The following MRPS31 variants were observed in gnomAD, a reference collection of about 807,000 sequenced individuals.
MRPS31 encodes mitochondrial ribosomal protein S31.
Under a neutral mutation model 43.1 loss-of-function variants are expected in MRPS31, and 32 were observed. The observed-to-expected ratio is 0.74, with a 90% confidence interval of 0.56 to 1.00. The LOEUF (loss-of-function observed/expected upper bound fraction) is 1.00, where lower values mean the gene tolerates loss of function less well. MRPS31 is among the 50% of genes least tolerant of loss of function. MRPS31 has a pLI of 0.00. For synonymous variants in MRPS31, 165 were observed against 161.6 expected, an observed-to-expected ratio of 1.02 and a Z score of -0.16; for missense variants, 437 against 466.7, an observed-to-expected ratio of 0.94 and a Z score of 0.59.
At chr13:40,746,933 C>T (rs1880254214) in intron 6 of MRPS31, among the ~76,000 whole-genome samples, 1 of 152,040 alleles carries the variant, frequency 6.6e-6, no homozygotes, top group Non-Finnish European at 1.5e-5. Flanking sequence ...TTATTATTCC[C>T]AACATTTTAG....
chr13:40,761,369 GTATT>G (rs1483323751), intron 2 of MRPS31, among the ~76,000 whole-genome samples: 6 of 152,052 alleles, frequency 3.9e-5, no homozygotes, highest in South Asian at 2.1e-4. Flanking sequence ...CAAAGTCATT[GTATT>G]TCTTTCATAA....
At chr13:40,769,893 G>C (rs1880959368) in intron 1 of MRPS31, among the ~76,000 whole-genome samples, 1 of 152,118 alleles carries the variant, frequency 6.6e-6, no homozygotes, top group Admixed American at 6.5e-5. Flanking sequence ...TCCACTGACA[G>C]CAGCTCATCA....
intron 2 of MRPS31, among the ~76,000 whole-genome samples, chr13:40,760,273 G>GA (rs1450076374): frequency 6.6e-6 from 1 of 151,636 alleles, no homozygotes; most frequent in Non-Finnish European, 1.5e-5. Flanking sequence ...AGGTAAAAAT[G>GA]AAAAATGTAG....
At chr13:40,734,105 G>A (rs1415835660) in intron 6 of MRPS31, among the ~76,000 whole-genome samples, 2 of 152,080 alleles carry the variant, frequency 1.3e-5, no homozygotes, top group African/African-American at 4.8e-5. Flanking sequence ...CTACAGCCTG[G>A]GTGACAAAGC....
intron 6 of MRPS31, among the ~76,000 whole-genome samples, chr13:40,737,000 A>G (rs1338031830): frequency 6.6e-6 from 1 of 151,576 alleles, no homozygotes; most frequent in African/African-American, 2.4e-5. Flanking sequence ...TTGGATAAAG[A>G]GTCAAGACCC....
chr13:40,751,949 GGTTCCT>G (rs541836662), intron 5 of MRPS31, among the ~76,000 whole-genome samples: 6 of 151,990 alleles, frequency 3.9e-5, no homozygotes, highest in African/African-American at 1.4e-4. Flanking sequence ...AAAGTAAGAT[GGTTCCT>G]TCAAGACTCT....
chr13:40,734,350 G>C (rs775995279), intron 6 of MRPS31, among the ~76,000 whole-genome samples: 1 of 152,150 alleles, frequency 6.6e-6, no homozygotes, highest in East Asian at 1.9e-4. Context: ...CAAAATGATA[G>C]GAAGACAGTT....
chr13:40,732,243 C>T (rs776628334), intron 6 of MRPS31, among the ~76,000 whole-genome samples: 4 of 152,202 alleles, frequency 2.6e-5, no homozygotes, highest in African/African-American at 4.8e-5. Context: ...TCAAATGAAG[C>T]CACCAGTTAA....
intron 3 of MRPS31, among the ~76,000 whole-genome samples, chr13:40,758,567 A>T (rs1487179116): frequency 6.6e-6 from 1 of 152,232 alleles, no homozygotes; most frequent in African/African-American, 2.4e-5. Context: ...AAGAGGAAAA[A>T]GAGAAGGCAA....
In MRPS31 at chr13:40,729,585, A is replaced by C. The variant is rs749794407; in HGVS notation, c.975T>G (p.Gly325=). 1.2e-6 allele frequency: 2 copies of C among 1,612,402 alleles called. No individual in the cohort carries two copies. Among genetic ancestry groups the C allele is most frequent in the South Asian group, 1.1e-5 (1 of 90,984 alleles). ...GAAATATATGTTCATGAAATTCTGA[A>C]CCATCATCATCAAAACCTAGGAAAT... is the stretch of plus-strand genomic sequence containing the variant. ...INNEAGFDDD[G]SEFHEHIFLE... is the part of the protein sequence containing the mutation. The change falls in exon 7 of 7, where the codon GGT becomes GGG. Residue 325 remains glycine (G), a synonymous_variant. Transcript: ENST00000323563.
chr13:40,770,000 C>T (rs1486326274), intron 1 of MRPS31, among the ~76,000 whole-genome samples: 3 of 152,198 alleles, frequency 2.0e-5, no homozygotes, highest in Non-Finnish European at 4.4e-5. Context: ...GGCCCCCTAA[C>T]ATAAACAGGT....
chr13:40,741,933 A>T (rs903267475), intron 6 of MRPS31, among the ~76,000 whole-genome samples: 3 of 142,648 alleles, frequency 2.1e-5, no homozygotes, highest in South Asian at 2.3e-4. Flanking sequence ...ACACACACAC[A>T]CTGCAGGACA....
At position 40,756,912 on chromosome 13, in the gene MRPS31, T is replaced by C. The variant is rs761364957; in HGVS notation, c.701A>G (p.Asn234Ser). 6.2e-7 allele frequency: 1 copy of C among 1,613,948 alleles called. No homozygotes were observed. Among genetic ancestry groups the C allele is most frequent in the Non-Finnish European group, 8.5e-7 (1 of 1,179,960 alleles). ...LRIQFDEGYD[N>S]YPGQEKTDDL... ...ATCCGTCTTCTCCTGGCCAGGATAA[T>C]TGTCATAGCCTTCATCAAACTGAAT... Residue 234 changes from asparagine (N) to serine (S), a missense_variant, in exon 4 of 7, where the codon AAT becomes AGT. Transcript: ENST00000323563.
intron 6 of MRPS31, among the ~76,000 whole-genome samples, chr13:40,742,968 A>C (rs1420458271): frequency 6.6e-6 from 1 of 152,146 alleles, no homozygotes; most frequent in Non-Finnish European, 1.5e-5. Context: ...AAGATCTAGG[A>C]AATACCATCC....
intron 2 of MRPS31, among the ~76,000 whole-genome samples, chr13:40,760,571 CAAGTT>C (rs1267969092): frequency 6.7e-6 from 1 of 150,110 alleles, no homozygotes; most frequent in Non-Finnish European, 1.5e-5. Context: ...TAAATTAGAG[CAAGTT>C]AATAGAAAAA....
Position 40,767,021 on chromosome 13 carries a change from GTTA to G in MRPS31, c.162_164del (p.Asn55del). 1 of 1,603,772 alleles carries G rather than the reference GTTA, an allele frequency of 6.2e-7. No individual in the cohort carries two copies. On this transcript the variant is annotated inframe_deletion, in exon 2 of 7. Coordinates refer to ENST00000323563, the MANE Select transcript of MRPS31 (RefSeq NM_005830.4). ...TGTTAGTGCCAAAATATCTTTGGATGTTATTTTTTGTCCTGGAAAGATGCATTA... is the reference window on the plus strand; with the variant it reads ...TGTTAGTGCCAAAATATCTTTGGATGTTTTTTGTCCTGGAAAGATGCATTA...
chr13:40,763,761 T>C (rs765101658), intron 2 of MRPS31, among the ~76,000 whole-genome samples: 1 of 152,136 alleles, frequency 6.6e-6, no homozygotes, highest in Non-Finnish European at 1.5e-5. Flanking sequence ...CAGAACAAGA[T>C]AGAGGTAACA....
chr13:40,748,131 C>T (rs1489582127), intron 6 of MRPS31, among the ~76,000 whole-genome samples: 1 of 152,114 alleles, frequency 6.6e-6, no homozygotes, highest in Non-Finnish European at 1.5e-5. Flanking sequence ...CTAATCTTAC[C>T]CTAAAAGTAA....
chr13:40,733,959 C>CAAA (rs61512285), intron 6 of MRPS31, among the ~76,000 whole-genome samples: 4 of 56,652 alleles, frequency 7.1e-5, no homozygotes, highest in Admixed American at 2.4e-4. Context: ...GACTCTGACT[C>CAAA]AAAAAAAAAA....
Sources: allele counts gnomAD v4.1 joint callset (sites outside exome capture counted in the v4.1 genomes callset), GRCh38; gene constraint gnomAD v4.1.1; transcripts MANE v1.5; gene names NCBI Gene and HGNC (gene_info 2026-07-23, HGNC 2026-07-21).